The following KCNIP3 variants were observed in gnomAD, a reference collection of about 807,000 sequenced individuals.
KCNIP3 encodes potassium voltage-gated channel interacting protein 3, also known as calsenilin.
In KCNIP3, 28 loss-of-function variants were observed where a neutral mutation model predicts 35.0. That is an observed-to-expected ratio of 0.80 (90% CI 0.59 to 1.10). The LOEUF (loss-of-function observed/expected upper bound fraction) is 1.10, where lower values mean the gene tolerates loss of function less well. Among genes scored for constraint, KCNIP3 ranks in the 50% least tolerant of loss-of-function variants. The pLI is 0.00. For missense variants in KCNIP3, 295 were observed against 338.4 expected, an observed-to-expected ratio of 0.87 and a Z score of 1.01; for synonymous variants, 134 against 133.8, an observed-to-expected ratio of 1.00 and a Z score of -0.01.
chr2:95,374,233 C>A (rs1680113976), intron 2 of KCNIP3, 63 bp from the exon 3 acceptor site: 1 of 1,583,890 alleles, frequency 6.3e-7, no homozygotes, highest in Admixed American at 1.7e-5. Flanking sequence ...CCTGGCCACA[C>A]TGGAGCAAGA....
At chr2:95,356,710 A>G (rs372334185) in intron 2 of KCNIP3, among the ~76,000 whole-genome samples, 1 of 152,042 alleles carries the variant, frequency 6.6e-6, no homozygotes, top group South Asian at 2.1e-4. Flanking sequence ...TGGTCTATAT[A>G]TCTATTTTGG....
chr2:95,368,523 T>G, intron 2 of KCNIP3: 1 of 312,586 alleles, frequency 3.2e-6, no homozygotes, highest in Non-Finnish European at 6.4e-6. Flanking sequence ...CAATAACCTA[T>G]GGAAATAAAA....
At chr2:95,303,778 G>A (rs1324132595) in intron 1 of KCNIP3, among the ~76,000 whole-genome samples, 1 of 152,254 alleles carries the variant, frequency 6.6e-6, no homozygotes, top group East Asian at 1.9e-4. Flanking sequence ...CCCCAAGCCT[G>A]CCGGCTGGCA....
chr2:95,306,632 AGGTGCCAAGGC>A lies in KCNIP3; in HGVS notation c.16-3718_16-3708del, dbSNP rs574314551. On this transcript the variant is annotated intron_variant, in intron 1 of 8. Coordinates refer to ENST00000295225, the MANE Select transcript of KCNIP3 (RefSeq NM_013434.5). ...AGAAGTGTCCAGTGCCAGGAGCAGC[AGGTGCCAAGGC>A]GGTGGTGTGGGAGCAGACTTGGAGG... 4.6e-4 allele frequency among the ~76,000 whole-genome samples: 70 copies of A among 152,280 alleles called. 1 individual carries two copies. The highest frequency in any genetic ancestry group is 1.5e-3 in the African/African-American group (64 of 41,568).
intron 2 of KCNIP3, among the ~76,000 whole-genome samples, chr2:95,322,734 C>T (rs531681165): frequency 3.9e-5 from 6 of 152,318 alleles, no homozygotes; most frequent in East Asian, 1.9e-4. Context: ...CTCCCCACCC[C>T]GCTTATCCCG....
chr2:95,354,981 G>A (rs1021789271), intron 2 of KCNIP3: 1 of 152,276 alleles, frequency 6.6e-6, no homozygotes, highest in Admixed American at 6.5e-5. Context: ...CCAGCCTCTA[G>A]AGAATGCTCT....
intron 2 of KCNIP3, among the ~76,000 whole-genome samples, chr2:95,321,634 C>T (rs751611319): frequency 7.2e-5 from 11 of 152,290 alleles, no homozygotes; most frequent in African/African-American, 2.2e-4. Flanking sequence ...GACTAACGAA[C>T]GACAGAGCTG....
intron 1 of KCNIP3, among the ~76,000 whole-genome samples, chr2:95,308,852 G>A (rs749706594): frequency 5.3e-5 from 8 of 152,180 alleles, no homozygotes; most frequent in Non-Finnish European, 1.0e-4. Flanking sequence ...CTGTCTTCCA[G>A]GGCTGCCTCT....
chr2:95,327,444 C>G (rs1318570772), intron 2 of KCNIP3, among the ~76,000 whole-genome samples: 1 of 152,150 alleles, frequency 6.6e-6, no homozygotes, highest in Non-Finnish European at 1.5e-5. Context: ...CGTACACACC[C>G]ACACACGCAC....
At chr2:95,355,143 T>G (rs1037619800) in intron 2 of KCNIP3, 1 of 152,098 alleles carries the variant, frequency 6.6e-6, no homozygotes, top group African/African-American at 2.4e-5. Context: ...CTGCAGGGCC[T>G]TGGGGACCAC....
intron 2 of KCNIP3, among the ~76,000 whole-genome samples, chr2:95,359,973 A>G (rs1171357244): frequency 3.3e-5 from 5 of 152,228 alleles, no homozygotes; most frequent in African/African-American, 1.2e-4. Context: ...TGGGCCTGTG[A>G]TGAGAGGGGC....
At chr2:95,297,558 G>A (rs1170062599) in intron 1 of KCNIP3, 105 bp downstream of exon 1, 20 of 886,630 alleles carry the variant, frequency 2.3e-5, no homozygotes, top group Non-Finnish European at 3.1e-5. Flanking sequence ...TTTGACCCTT[G>A]TCCCCTCTTG....
intron 2 of KCNIP3, among the ~76,000 whole-genome samples, chr2:95,324,523 G>C (rs80269000): frequency 5.5e-5 from 8 of 145,716 alleles, no homozygotes; most frequent in African/African-American, 1.8e-4. Context: ...AAAATAAATA[G>C]ATAAATAAAT....
intron 1 of KCNIP3, among the ~76,000 whole-genome samples, chr2:95,308,720 G>T (rs1678240052): frequency 6.6e-6 from 1 of 152,168 alleles, no homozygotes; most frequent in African/African-American, 2.4e-5. Flanking sequence ...TTCCAGGACT[G>T]GCTCTCTGTG....
intron 2 of KCNIP3, chr2:95,368,949 C>G (rs527560787): frequency 6.5e-6 from 1 of 153,506 alleles, no homozygotes; most frequent in Non-Finnish European, 1.5e-5. Flanking sequence ...TTGGATCTTA[C>G]TGCCACTGAA....
chr2:95,364,034 A>G (rs1378757865), intron 2 of KCNIP3, among the ~76,000 whole-genome samples: 1 of 152,218 alleles, frequency 6.6e-6, no homozygotes, highest in Non-Finnish European at 1.5e-5. Flanking sequence ...TCCTAAGAGC[A>G]TTGGCAGGAC....
At chr2:95,341,461 C>CT (rs1259612229) in intron 2 of KCNIP3, among the ~76,000 whole-genome samples, 1 of 152,188 alleles carries the variant, frequency 6.6e-6, no homozygotes, top group Non-Finnish European at 1.5e-5. Flanking sequence ...GGTCAATACT[C>CT]TAAGGTCAAG....
At chr2:95,332,585 A>G (rs1416788896) in intron 2 of KCNIP3, among the ~76,000 whole-genome samples, 1 of 152,244 alleles carries the variant, frequency 6.6e-6, no homozygotes, top group Non-Finnish European at 1.5e-5. Flanking sequence ...AAGAGAACAA[A>G]TGTAAGCATT....
intron 2 of KCNIP3, among the ~76,000 whole-genome samples, chr2:95,361,801 T>C (rs1679805907): frequency 6.6e-6 from 1 of 152,156 alleles, no homozygotes; most frequent in African/African-American, 2.4e-5. Context: ...CAGGGCTGGG[T>C]ACGGCAGCGA....
Sources: allele counts gnomAD v4.1 joint callset (sites outside exome capture counted in the v4.1 genomes callset), GRCh38; gene constraint gnomAD v4.1.1; transcripts MANE v1.5; gene names NCBI Gene and HGNC (gene_info 2026-07-23, HGNC 2026-07-21).